The following CANX variants were observed in gnomAD, a reference collection of about 807,000 sequenced individuals.
CANX encodes the protein epididymis secretory sperm binding protein.
CANX carries 14 observed loss-of-function variants against 75.7 expected under a neutral mutation model. The ratio of observed to expected loss-of-function variants is 0.19; its 90% CI spans 0.12 to 0.29. The LOEUF (loss-of-function observed/expected upper bound fraction) is 0.29, where lower values mean the gene tolerates loss of function less well. Ranked by LOEUF, CANX falls within the 10% of genes least tolerant of loss-of-function variation. The pLI, the probability that CANX is intolerant of heterozygous loss-of-function variation, is 1.00. For missense variants in CANX, 567 were observed against 713.2 expected (o/e 0.79, Z 2.34); for synonymous variants, 227 against 236.9 (o/e 0.96, Z 0.38).
chr5:179,708,566 G>T (rs1562477925), intron 5 of CANX, among the ~76,000 whole-genome samples, 186 bp downstream of exon 5: 2 of 152,106 alleles, frequency 1.3e-5, no homozygotes, highest in African/African-American at 4.8e-5. Flanking sequence ...AAAGAAACTG[G>T]TTACTTATTT....
chr5:179,724,052 A>C (rs530953694), intron 12 of CANX, among the ~76,000 whole-genome samples: 1 of 152,120 alleles, frequency 6.6e-6, no homozygotes, highest in Non-Finnish European at 1.5e-5. Flanking sequence ...CTAAAAAAAA[A>C]CAATAAACTT....
upstream of CANX, chr5:179,698,568 G>T (rs7701892): frequency 7.8e-7 from 1 of 1,289,292 alleles, no homozygotes. Context: ...AAGGGCGCGC[G>T]ATGCGTCCCA....
At chr5:179,718,911 C>A (rs578171030) in intron 8 of CANX, among the ~76,000 whole-genome samples, 1 of 151,018 alleles carries the variant, frequency 6.6e-6, no homozygotes, top group Non-Finnish European at 1.5e-5. Flanking sequence ...GTGATCCACC[C>A]GCCTTGGCCT....
At chr5:179,704,942 T>A (rs1777028779) in intron 1 of CANX, among the ~76,000 whole-genome samples, 1 of 152,190 alleles carries the variant, frequency 6.6e-6, no homozygotes, top group Non-Finnish European at 1.5e-5. Context: ...ATTGATGATA[T>A]TTGAGCAACC....
At chr5:179,724,210 C>T (rs1216015110) in intron 12 of CANX, among the ~76,000 whole-genome samples, 1 of 151,454 alleles carries the variant, frequency 6.6e-6, no homozygotes, top group East Asian at 1.9e-4. Context: ...GTACCACAGC[C>T]TTATTGTTAG....
At chr5:179,705,912 T>G (rs989822047) in intron 2 of CANX, 60 bp downstream of exon 2, 5 of 1,419,616 alleles carry the variant, frequency 3.5e-6, no homozygotes, top group Admixed American at 3.5e-5. Context: ...ATTATGAAGA[T>G]ACCCGGGTGC....
At chr5:179,686,102 C>CTTTTTTTTTTT (rs757104413) in intron 1 of CANX, among the ~76,000 whole-genome samples, 30,314 of 123,478 alleles carry the variant, frequency 0.25, 5,014 homozygotes, top group South Asian at 0.41. Context: ...TTGTTCAAGT[C>CTTTTTTTTTTT]TTTTTTTTTT....
At chr5:179,686,890 G>C (rs1046111431) in intron 1 of CANX, among the ~76,000 whole-genome samples, 4 of 152,172 alleles carry the variant, frequency 2.6e-5, no homozygotes, top group Admixed American at 2.6e-4. Context: ...CAATTCTCCT[G>C]CCTCAGCCTC....
chr5:179,697,491 A>G (rs1051578995), upstream of CANX, among the ~76,000 whole-genome samples: 2 of 152,210 alleles, frequency 1.3e-5, no homozygotes, highest in African/African-American at 4.8e-5. Flanking sequence ...TTGCTCACAA[A>G]TGTACTTCCT....
chr5:179,688,433 G>A (rs926956181), intron 1 of CANX, among the ~76,000 whole-genome samples: 53 of 143,472 alleles, frequency 3.7e-4, no homozygotes, highest in Non-Finnish European at 6.7e-4. Flanking sequence ...GCACAATCTC[G>A]GTTCACTGCA....
At chr5:179,714,255 C>T (rs1298124846) in intron 7 of CANX, among the ~76,000 whole-genome samples, 1 of 152,220 alleles carries the variant, frequency 6.6e-6, no homozygotes, top group Non-Finnish European at 1.5e-5. Flanking sequence ...CCTGCCTCAG[C>T]CTCCCAGAGT....
chr5:179,699,338 C>G (rs548563429), intron 1 of CANX, among the ~76,000 whole-genome samples: 2 of 152,166 alleles, frequency 1.3e-5, no homozygotes, highest in Admixed American at 6.6e-5. Flanking sequence ...GCAGGTGGCC[C>G]GACAGCCTTC....
Position 179,726,774 on chromosome 5 carries a change from TCACA to T in CANX, c.1725+18_1725+21del. ...CTAAAGCAGAGGTAAAGGAAAGGGG[TCACA>T]CATTTTGTTTTACCAAGCTGAAGGT... On this transcript the variant is annotated intron_variant, in intron 14 of 14. Transcript: ENST00000247461. 8 of 1,582,358 alleles carry T rather than the reference TCACA, an allele frequency of 5.1e-6. No individual in the cohort carries two copies. Among genetic ancestry groups the T allele is most frequent in the Non-Finnish European group, 6.9e-6 (8 of 1,151,986 alleles).
intron 5 of CANX, 73 bp downstream of exon 5, chr5:179,708,453 CTA>C: frequency 7.3e-7 from 1 of 1,372,874 alleles, no homozygotes; most frequent in South Asian, 1.4e-5. Context: ...AACTTTTACT[CTA>C]TGTTAAAAAA....
intron 12 of CANX, among the ~76,000 whole-genome samples, 154 bp downstream of exon 12, chr5:179,723,933 C>A (rs1778476144): frequency 6.6e-6 from 1 of 152,128 alleles, no homozygotes; most frequent in South Asian, 2.1e-4. Context: ...ACTTACTGTT[C>A]CTCAGTGGCC....
chr5:179,712,121 T>G (rs958674649), intron 7 of CANX, among the ~76,000 whole-genome samples: 11 of 151,482 alleles, frequency 7.3e-5, no homozygotes, highest in African/African-American at 2.4e-4. Flanking sequence ...AAAGGTGTTT[T>G]TTTTTTTTTT....
chr5:179,685,164 C>A (rs1046098524), intron 1 of CANX, among the ~76,000 whole-genome samples: 3 of 149,514 alleles, frequency 2.0e-5, no homozygotes, highest in Non-Finnish European at 3.0e-5. Flanking sequence ...AGTGGCGCAA[C>A]CTCGGGTCAC....
In CANX at chr5:179,728,703, C is replaced by G; in HGVS notation, c.*59C>G. On this transcript the variant is annotated 3_prime_UTR_variant, in exon 15 of 15. Coordinates refer to ENST00000247461, the MANE Select transcript of CANX (RefSeq NM_001746.4). ...TCCCTCCTCCCCTGCAAGAGTGGTC[C>G]TAGGAGAGGACCTGGCACACCTTAG... is the stretch of plus-strand genomic sequence containing the variant. 2 of 1,223,716 alleles carry G rather than the reference C, an allele frequency of 1.6e-6. No individual in the cohort carries two copies. Among genetic ancestry groups the G allele is most frequent in the Non-Finnish European group, 1.2e-6 (1 of 826,916 alleles). 75.8% of individuals were successfully genotyped at this position (1,223,716 alleles called of 1,614,324 possible). A position where few individuals can be genotyped will look rare whatever the true frequency, so the allele number is the denominator to read the frequency against.
chr5:179,711,701 AT>A (rs1209084472), intron 7 of CANX, among the ~76,000 whole-genome samples: 3 of 151,320 alleles, frequency 2.0e-5, no homozygotes, highest in African/African-American at 7.3e-5. Context: ...AGGCAGGAGA[AT>A]TGCTTGAACC....
Sources: allele counts gnomAD v4.1 joint callset (sites outside exome capture counted in the v4.1 genomes callset), GRCh38; gene constraint gnomAD v4.1.1; transcripts MANE v1.5; gene names NCBI Gene and HGNC (gene_info 2026-07-23, HGNC 2026-07-21).